LMTK2: variants seen among roughly 807,000 people sequenced by gnomAD.
LMTK2 encodes serine/threonine-protein kinase LMTK2.
Under a neutral mutation model 127.5 loss-of-function variants are expected in LMTK2, and 37 were observed. The observed-to-expected ratio is 0.29, with a 90% CI of 0.22 to 0.38. The LOEUF is 0.38. LMTK2 is among the 10% of genes least tolerant of loss of function. LMTK2 has a pLI of 1.00. For synonymous variants in LMTK2, 819 were observed against 810.1 expected, an observed-to-expected ratio of 1.01 and a Z score of -0.19; for missense variants, 1,694 against 1,920.3, an observed-to-expected ratio of 0.88 and a Z score of 2.20.
chr7:98,164,034 A>G (rs577550521), intron 6 of LMTK2, among the ~76,000 whole-genome samples: 1 of 152,324 alleles, frequency 6.6e-6, no homozygotes, highest in East Asian at 1.9e-4. Context: ...ATATTTTTGC[A>G]CTTACTTAAT....
intron 7 of LMTK2, among the ~76,000 whole-genome samples, chr7:98,184,638 C>G (rs1031071134): frequency 2.6e-5 from 4 of 152,048 alleles, no homozygotes; most frequent in Non-Finnish European, 5.9e-5. Flanking sequence ...TGAACTGTAG[C>G]CTGACCACCT....
intron 1 of LMTK2, among the ~76,000 whole-genome samples, chr7:98,123,637 A>G (rs1222549335): frequency 6.6e-6 from 1 of 151,924 alleles, no homozygotes; most frequent in African/African-American, 2.4e-5. Context: ...ATTCATCAAC[A>G]TGGATGCACA....
At chr7:98,117,572 C>G (rs1171408638) in intron 1 of LMTK2, among the ~76,000 whole-genome samples, 1 of 151,986 alleles carries the variant, frequency 6.6e-6, no homozygotes, top group Admixed American at 6.6e-5. Context: ...TCTGGCATTT[C>G]AAGAAGCTAC....
At chr7:98,148,639 A>T (rs1428280883) in intron 3 of LMTK2, among the ~76,000 whole-genome samples, 1 of 152,090 alleles carries the variant, frequency 6.6e-6, no homozygotes, top group East Asian at 1.9e-4. Flanking sequence ...GTTTCTTTGC[A>T]TGTTTCATAA....
chr7:98,187,918 A>G (rs973605210), intron 9 of LMTK2, among the ~76,000 whole-genome samples: 3 of 152,142 alleles, frequency 2.0e-5, no homozygotes, highest in African/African-American at 4.8e-5. Flanking sequence ...TTTGATACCT[A>G]TATACAGTGT....
chr7:98,206,701 A>T lies in LMTK2; in HGVS notation c.*1209A>T, dbSNP rs946299301. 2 of 151,904 alleles carry T rather than the reference A, an allele frequency of 1.3e-5. No homozygotes were observed. Among genetic ancestry groups the T allele is most frequent in the Non-Finnish European group, 2.9e-5 (2 of 68,052 alleles). 9.4% of individuals were successfully genotyped at this position (151,904 alleles called of 1,614,324 possible). A position where few individuals can be genotyped will look rare whatever the true frequency, so the allele number is the denominator to read the frequency against. ...TGTGTGCACACTTCAGGTGGTGGGGACTTGAGCTTTAAAAAAACCTCCACA... is the reference window on the plus strand; with the variant it reads ...TGTGTGCACACTTCAGGTGGTGGGGTCTTGAGCTTTAAAAAAACCTCCACA... On this transcript the variant is annotated 3_prime_UTR_variant, in exon 14 of 14. Transcript: ENST00000297293.
intron 2 of LMTK2, among the ~76,000 whole-genome samples, chr7:98,141,069 C>CAA (rs112518899): frequency 2.3e-3 from 236 of 104,400 alleles, no homozygotes; most frequent in Middle Eastern, 4.6e-3. Context: ...AACCTTGTCT[C>CAA]AAAAAAAAAA....
intron 1 of LMTK2, among the ~76,000 whole-genome samples, chr7:98,109,743 C>CAAAAAAAA (rs1156337163): frequency 5.1e-4 from 27 of 53,242 alleles, no homozygotes; most frequent in East Asian, 3.7e-3. Context: ...GACTCCGTCT[C>CAAAAAAAA]AAAAAAAAAA....
intron 5 of LMTK2, 31 bp from the exon 6 acceptor site, chr7:98,159,305 GAT>G (rs760727020): frequency 7.2e-7 from 1 of 1,389,218 alleles, no homozygotes; most frequent in African/African-American, 1.4e-5. Flanking sequence ...CATGCTTCCT[GAT>G]GAACAATATT....
chr7:98,177,301 A>G (rs2116435536), intron 7 of LMTK2, among the ~76,000 whole-genome samples: 1 of 152,318 alleles, frequency 6.6e-6, no homozygotes, highest in South Asian at 2.1e-4. Flanking sequence ...AATAATGCCA[A>G]AATTATAAAT....
chr7:98,114,381 A>C (rs1243896022), intron 1 of LMTK2, among the ~76,000 whole-genome samples: 1 of 151,910 alleles, frequency 6.6e-6, no homozygotes. Context: ...CTGGGACTAC[A>C]GGTGGATACC....
intron 2 of LMTK2, 142 bp downstream of exon 2, chr7:98,137,584 T>G (rs1796613208): frequency 1.5e-6 from 1 of 688,460 alleles, no homozygotes; most frequent in South Asian, 2.4e-5. Context: ...ATTTTCTACC[T>G]TAGTGAATAG....
At chr7:98,174,797 A>G (rs1265647458) in intron 7 of LMTK2, among the ~76,000 whole-genome samples, 1 of 152,226 alleles carries the variant, frequency 6.6e-6, no homozygotes, top group South Asian at 2.1e-4. Flanking sequence ...GCAGAGTTCA[A>G]TGACAAGGTG....
intron 5 of LMTK2, among the ~76,000 whole-genome samples, chr7:98,158,980 C>T (rs1236070265): frequency 6.6e-6 from 1 of 152,226 alleles, no homozygotes; most frequent in Non-Finnish European, 1.5e-5. Flanking sequence ...ATCACTTGAG[C>T]CCAGGAGTTG....
chr7:98,158,699 A>G, intron 5 of LMTK2, among the ~76,000 whole-genome samples: 2 of 152,232 alleles, frequency 1.3e-5, no homozygotes, highest in East Asian at 3.8e-4. Flanking sequence ...GAGACTATTT[A>G]TATGGGCGGA....
chr7:98,119,385 T>G (rs2116327401), intron 1 of LMTK2, among the ~76,000 whole-genome samples: 1 of 152,288 alleles, frequency 6.6e-6, no homozygotes, highest in South Asian at 2.1e-4. Flanking sequence ...ACACCTGAAA[T>G]CTGAAGAGCT....
At chr7:98,147,971 T>C (rs1232917308) in intron 3 of LMTK2, among the ~76,000 whole-genome samples, 1 of 151,932 alleles carries the variant, frequency 6.6e-6, no homozygotes, top group Admixed American at 6.6e-5. Flanking sequence ...TCCAGCACTT[T>C]GAGAGGCCAA....
At chr7:98,157,123 G>A (rs769390578) in intron 5 of LMTK2, among the ~76,000 whole-genome samples, 7 of 151,898 alleles carry the variant, frequency 4.6e-5, no homozygotes, top group Admixed American at 1.3e-4. Flanking sequence ...GTGGCATCAC[G>A]CACCTGTAGT....
intron 1 of LMTK2, among the ~76,000 whole-genome samples, chr7:98,129,465 C>G (rs953971786): frequency 3.3e-5 from 5 of 152,044 alleles, no homozygotes; most frequent in Non-Finnish European, 7.4e-5. Context: ...TCAGCCTTGA[C>G]CTCCTGTGCT....
Sources: gnomAD v4.1 joint callset for allele counts (sites outside exome capture counted in the v4.1 genomes callset) on GRCh38, gnomAD v4.1.1 for gene constraint, MANE v1.5 for transcripts, NCBI Gene and HGNC (gene_info 2026-07-23, HGNC 2026-07-21) for gene names.